The following KIF17 variants were observed in gnomAD, a reference collection of about 807,000 sequenced individuals.
The protein encoded by KIF17 is kinesin family member 17, also known as kinesin-like protein KIF17.
In KIF17, 80 loss-of-function variants were observed where a neutral mutation model predicts 96.8. That is an observed-to-expected ratio of 0.83 (90% CI 0.69 to 1.00). KIF17 has a LOEUF of 1.00. KIF17 is among the 50% of genes least tolerant of loss of function. KIF17 has a pLI of 0.00. For synonymous variants in KIF17, 567 were observed against 587.5 expected (o/e 0.97, Z 0.51); for missense variants, 1,280 against 1,372.9 (o/e 0.93, Z 1.07).
At chr1:20,666,748 A>G (rs140030131) in intron 13 of KIF17, among the ~76,000 whole-genome samples, 1 of 152,366 alleles carries the variant, frequency 6.6e-6, no homozygotes, top group Non-Finnish European at 1.5e-5. Context: ...TGTGATCATT[A>G]GAACTGGAAT....
intron 2 of KIF17, among the ~76,000 whole-genome samples, chr1:20,713,842 G>A (rs1000317688): frequency 6.6e-6 from 1 of 151,952 alleles, no homozygotes; most frequent in Non-Finnish European, 1.5e-5. Flanking sequence ...AGGCCTCCTC[G>A]TTATTCAGGT....
At chr1:20,666,686 A>T (rs1395496806) in intron 13 of KIF17, among the ~76,000 whole-genome samples, 1 of 152,218 alleles carries the variant, frequency 6.6e-6, no homozygotes, top group Non-Finnish European at 1.5e-5. Context: ...ATCTATCACG[A>T]CATGTTCATA....
rs34777403 is a variant in KIF17 at position 20,674,575 on chromosome 1, CTT to C, written c.2464-2381_2464-2380del. On this transcript the variant is annotated intron_variant, in intron 11 of 14. Coordinates refer to ENST00000400463, the MANE Select transcript of KIF17 (RefSeq NM_001122819.3). ...CCACTGCACCATCCAATTTATCCCT[CTT>C]TTTTTTTTTTTTTTAAGTAACTTGT... Among the ~76,000 whole-genome samples the C allele has an allele frequency of 7.7e-4, 110 of 142,272 alleles. No homozygotes were observed. The East Asian group carries it at 0.022, about 28-fold the overall frequency. 93.3% of individuals were successfully genotyped at this position (142,272 alleles called of 152,430 possible).
At chr1:20,684,769 T>C (rs1379663864) in intron 10 of KIF17, 40 bp downstream of exon 10, 2 of 1,532,956 alleles carry the variant, frequency 1.3e-6, no homozygotes, top group Admixed American at 2.0e-5. Flanking sequence ...CCTTCCCACC[T>C]CACCGTGGGG....
Position 20,670,444 on chromosome 1 carries a change from C to T in KIF17, c.2767G>A (p.Ala923Thr), listed in dbSNP as rs1354237292. The T allele has an allele frequency of 1.2e-6, 2 of 1,614,038 alleles. No individual in the cohort carries two copies. The highest frequency in any genetic ancestry group is 8.5e-7 in the Non-Finnish European group (1 of 1,180,036). ...ACCATGTTCGGCTCGCCATTGTCTGCTGCAGAGGTTTTGCGGGCTGGTTTG... is the reference window on the plus strand; with the variant it reads ...ACCATGTTCGGCTCGCCATTGTCTGTTGCAGAGGTTTTGCGGGCTGGTTTG... ...QNKPARKTSA[A>T]DNGEPNMEDD... Residue 923 changes from alanine (A) to threonine (T), a missense_variant, in exon 13 of 15, where the codon GCA (alanine) becomes ACA (threonine). Physicochemically the swap from Ala to Thr is moderately conservative, Grantham distance 58. Coordinates refer to ENST00000400463, the MANE Select transcript of KIF17 (RefSeq NM_001122819.3).
intron 6 of KIF17, among the ~76,000 whole-genome samples, chr1:20,691,846 T>C (rs992193932): frequency 1.3e-5 from 2 of 152,232 alleles, no homozygotes; most frequent in Admixed American, 6.5e-5. Flanking sequence ...CAATATATCA[T>C]GAACACCTTT....
chr1:20,696,847 T>A (rs2054149942), intron 6 of KIF17, among the ~76,000 whole-genome samples: 1 of 151,870 alleles, frequency 6.6e-6, no homozygotes, highest in African/African-American at 2.4e-5. Flanking sequence ...AGCTCAGCCA[T>A]CCCCCAGGGC....
At position 20,687,793 on chromosome 1, in the gene KIF17, A is replaced by T; in HGVS notation, c.1533T>A (p.Asp511Glu). Residue 511 changes from aspartate (D) to glutamate (E), a missense_variant, in exon 8 of 15, where the codon GAT (aspartate) becomes GAA (glutamate). By Grantham distance (45) the Asp-to-Glu change is conservative. Coordinates refer to ENST00000400463, the MANE Select transcript of KIF17 (RefSeq NM_001122819.3). This position sits in a 1 kb window ranked among gnomAD's most constrained non-coding sequence, Gnocchi z 4.4. The part of the protein sequence containing the change: ...FSTTDTLPSD[D>E]VSKTQVSSRF... Reference sequence around the variant, plus strand: ...TGGAGGAAACCTGAGTCTTGGAGACATCGTCACTGGGCAGAGTGTCAGTCG... The same window carrying T: ...TGGAGGAAACCTGAGTCTTGGAGACTTCGTCACTGGGCAGAGTGTCAGTCG... The T allele has an allele frequency of 6.2e-7, 1 of 1,614,154 alleles. No homozygotes were observed. Among genetic ancestry groups the T allele is most frequent in the Non-Finnish European group, 8.5e-7 (1 of 1,180,018 alleles).
chr1:20,686,159 G>A (rs1487356779), intron 8 of KIF17, 33 bp from the exon 9 acceptor site: 2 of 1,529,152 alleles, frequency 1.3e-6, no homozygotes, highest in African/African-American at 1.4e-5. Context: ...GGAGAAAGAA[G>A]GCTGATTTGG....
chr1:20,683,628 C>A (rs2053872833), intron 10 of KIF17, among the ~76,000 whole-genome samples: 1 of 152,078 alleles, frequency 6.6e-6, no homozygotes, highest in Admixed American at 6.5e-5. Context: ...GCACTCCAGC[C>A]TGAGCAACAG....
At chr1:20,712,694 T>C (rs2054475822) in intron 3 of KIF17, among the ~76,000 whole-genome samples, 1 of 115,756 alleles carries the variant, frequency 8.6e-6, no homozygotes, top group Admixed American at 1.1e-4. Context: ...ATATATAATA[T>C]AGATAATATT....
chr1:20,662,952 G>A (rs1460981205), downstream of KIF17, among the ~76,000 whole-genome samples: 3 of 152,174 alleles, frequency 2.0e-5, no homozygotes, highest in Non-Finnish European at 2.9e-5. Context: ...TATCGACCAG[G>A]CGCGGTGGCT....
chr1:20,684,962 A>T lies in KIF17; in HGVS notation c.2078T>A (p.Val693Glu). The T allele has an allele frequency of 6.2e-7, 1 of 1,605,498 alleles. No individual in the cohort carries two copies. The highest frequency in any genetic ancestry group is 8.5e-7 in the Non-Finnish European group (1 of 1,176,310). The change falls in exon 10 of 15, where the codon GTG becomes GAG. Residue 693 changes from valine to glutamate, a missense_variant. By Grantham distance (121) the Val-to-Glu change is moderately radical (BLOSUM62 -2). Coordinates refer to ENST00000400463, the MANE Select transcript of KIF17 (RefSeq NM_001122819.3). ...LEVVRTAEPG[V>E]WLEAQAPVAL... ...CACCGGGGCCTGAGCCTCCAACCAC[A>T]CGCCAGGCTCTGCTGTCCGCACCAC...
intron 5 of KIF17, among the ~76,000 whole-genome samples, chr1:20,702,968 C>T (rs1024198147): frequency 1.5e-4 from 23 of 152,304 alleles, no homozygotes; most frequent in African/African-American, 4.8e-4. Flanking sequence ...CACAGAGGAG[C>T]AGCTCAGGGA....
chr1:20,679,270 A>C (rs577546603), intron 11 of KIF17, among the ~76,000 whole-genome samples: 1 of 152,170 alleles, frequency 6.6e-6, no homozygotes, highest in Non-Finnish European at 1.5e-5. Context: ...CAGGAGTTTG[A>C]GACCAGCCTG....
intron 11 of KIF17, among the ~76,000 whole-genome samples, chr1:20,681,058 G>A (rs569040731): frequency 4.7e-4 from 70 of 149,524 alleles, no homozygotes; most frequent in Middle Eastern, 3.4e-3. Context: ...CCCAGGAGGC[G>A]GAGCTTGCAG....
At chr1:20,711,104 A>AT (rs75595648) in intron 3 of KIF17, among the ~76,000 whole-genome samples, 9,101 of 152,130 alleles carry the variant, frequency 0.06, 585 homozygotes, top group East Asian at 0.4. Flanking sequence ...CTAAGCCTCA[A>AT]TTTTCTCTTC....
downstream of KIF17, among the ~76,000 whole-genome samples, chr1:20,661,992 G>T (rs2053443212): frequency 6.6e-6 from 1 of 152,250 alleles, no homozygotes; most frequent in African/African-American, 2.4e-5. Flanking sequence ...GCAGTAGACT[G>T]GCCTAGCGAT....
chr1:20,703,624 G>A (rs1231308513), intron 5 of KIF17, among the ~76,000 whole-genome samples: 1 of 151,966 alleles, frequency 6.6e-6, no homozygotes, highest in Non-Finnish European at 1.5e-5. Flanking sequence ...GGAAGAAAAG[G>A]TGGGTGGATG....
Sources: gnomAD v4.1 joint callset for allele counts (sites outside exome capture counted in the v4.1 genomes callset) on GRCh38, gnomAD v4.1.1 for gene constraint, Gnocchi (gnomAD v3.1) non-coding constraint, MANE v1.5 for transcripts, NCBI Gene and HGNC (gene_info 2026-07-23, HGNC 2026-07-21) for gene names.